CADM3: variants seen among roughly 807,000 people sequenced by gnomAD.
CADM3 encodes the protein cell adhesion molecule 3, also known as TSLC1-like 1.
In CADM3, 11 loss-of-function variants were observed where a neutral mutation model predicts 44.9. That is an observed-to-expected ratio of 0.25 (90% CI 0.15 to 0.41). The LOEUF is 0.41. Ranked by LOEUF, CADM3 falls within the 10% of genes least tolerant of loss-of-function variation. The pLI, the probability that CADM3 is intolerant of heterozygous loss-of-function variation, is 1.00. For synonymous variants in CADM3, 207 were observed against 205.2 expected (o/e 1.01, Z -0.08); for missense variants, 426 against 512.0 (o/e 0.83, Z 1.62).
At position 159,200,933 on chromosome 1, in the gene CADM3, C is replaced by T; in HGVS notation, c.*11C>T. 4 of 1,575,738 alleles carry T rather than the reference C, an allele frequency of 2.5e-6. No homozygotes were observed. Among genetic ancestry groups the T allele is most frequent in the Non-Finnish European group, 3.5e-6 (4 of 1,158,092 alleles). On this transcript the variant is annotated 3_prime_UTR_variant, in exon 9 of 9. Coordinates refer to ENST00000368125, the MANE Select transcript of CADM3 (RefSeq NM_001127173.3). Reference sequence around the variant, plus strand: ...GAATATTTCATCTAGAGGCGCCTGCCCACTTCCTGCGCCCCCCAGGGGCCC... The same window carrying T: ...GAATATTTCATCTAGAGGCGCCTGCTCACTTCCTGCGCCCCCCAGGGGCCC...
intron 5 of CADM3, 188 bp downstream of exon 5, chr1:159,194,228 T>A: frequency 1.7e-6 from 1 of 571,884 alleles, no homozygotes; most frequent in Non-Finnish European, 3.0e-6. Context: ...ATGAATATTT[T>A]AGGCTTTGAG....
chr1:159,196,257 T>G (rs1193353127), intron 5 of CADM3, 107 bp from the exon 6 acceptor site: 101 of 791,106 alleles, frequency 1.3e-4, no homozygotes, highest in Middle Eastern at 2.3e-4. Context: ...TTGCACTTCT[T>G]GAGCTGCGGA....
At chr1:159,199,391 G>A (rs928941348) in intron 7 of CADM3, among the ~76,000 whole-genome samples, 4 of 146,800 alleles carry the variant, frequency 2.7e-5, no homozygotes, top group Middle Eastern at 3.6e-3. Flanking sequence ...AAAAGAAGAG[G>A]CGGAGGGAGG....
chr1:159,187,351 C>T (rs1649456772), intron 1 of CADM3, among the ~76,000 whole-genome samples: 1 of 152,140 alleles, frequency 6.6e-6, no homozygotes, highest in South Asian at 2.1e-4. Flanking sequence ...GATAACTAAA[C>T]AAGTAAATCA....
intron 2 of CADM3, 126 bp from the exon 3 acceptor site, chr1:159,192,452 G>T: frequency 9.7e-7 from 1 of 1,035,204 alleles, no homozygotes; most frequent in South Asian, 1.4e-5. Flanking sequence ...TTAAACTCAG[G>T]AGCAGTTATT....
At chr1:159,200,318 C>A (rs1364870862) in intron 8 of CADM3, among the ~76,000 whole-genome samples, 3 of 152,166 alleles carry the variant, frequency 2.0e-5, no homozygotes, top group African/African-American at 4.8e-5. Flanking sequence ...TATATCCATG[C>A]CTTCTCTCTA....
intron 1 of CADM3, among the ~76,000 whole-genome samples, chr1:159,178,266 G>A (rs557258758): frequency 2.0e-5 from 3 of 152,290 alleles, no homozygotes; most frequent in African/African-American, 7.2e-5. Flanking sequence ...TACACTATAA[G>A]TGTGGAATGT....
chr1:159,180,201 G>C (rs1200820777), intron 1 of CADM3, among the ~76,000 whole-genome samples: 2 of 152,034 alleles, frequency 1.3e-5, no homozygotes, highest in Non-Finnish European at 2.9e-5. Flanking sequence ...GGAAGTAAGG[G>C]GTTCTGATTA....
At position 159,171,660 on chromosome 1, in the gene CADM3, C is replaced by G. The variant is rs974120426; in HGVS notation, c.-106C>G. The G allele has an allele frequency of 7.1e-6, 6 of 850,240 alleles. No homozygotes were observed. Among genetic ancestry groups the G allele is most frequent in the Non-Finnish European group, 9.4e-6 (6 of 640,132 alleles). 52.7% of individuals were successfully genotyped at this position (850,240 alleles called of 1,614,324 possible). On this transcript the variant is annotated 5_prime_UTR_variant, in exon 1 of 9. Coordinates refer to ENST00000368125, the MANE Select transcript of CADM3 (RefSeq NM_001127173.3). ...CTCGGCCCCGGGCTCCGAAGCGGCT[C>G]GGGGGCGCCCTTTCGGTCAACATCG...
At chr1:159,196,305 G>A in intron 5 of CADM3, 59 bp from the exon 6 acceptor site, 4 of 1,359,602 alleles carry the variant, frequency 2.9e-6, no homozygotes, top group Non-Finnish European at 3.2e-6. Context: ...GCAACTAAGT[G>A]AGGGAATCTC....
Position 159,194,046 on chromosome 1 carries a change from T to C in CADM3, c.691+6T>C. On this transcript the variant is annotated splice_donor_region_variant and intron_variant, in intron 5 of 8. Transcript: ENST00000368125. The stretch of plus-strand genomic sequence containing the variant: ...TCAACGCATTGAAGTTTTATGTATG[T>C]CATGGGCTTGGGGATGAAGAAGGAT... 6.2e-7 allele frequency: 1 copy of C among 1,610,808 alleles called. No individual in the cohort carries two copies. The highest frequency in any genetic ancestry group is 2.2e-5 in the East Asian group (1 of 44,818).
intron 8 of CADM3, 31 bp from the exon 9 acceptor site, chr1:159,200,773 C>T (rs757455284): frequency 8.5e-6 from 13 of 1,524,312 alleles, no homozygotes; most frequent in Non-Finnish European, 1.1e-5. Context: ...GGAAGCTGCT[C>T]CTGAGAGGAG....
intron 1 of CADM3, among the ~76,000 whole-genome samples, chr1:159,179,630 T>C (rs1649152882): frequency 6.6e-6 from 1 of 152,230 alleles, no homozygotes; most frequent in South Asian, 2.1e-4. Flanking sequence ...TCTTGTTTCA[T>C]ATTTTACTTT....
chr1:159,196,080 G>A (rs1327627667), intron 5 of CADM3: 3 of 372,446 alleles, frequency 8.1e-6, no homozygotes, highest in Non-Finnish European at 1.5e-5. Flanking sequence ...CTAGGCACAG[G>A]TAAACCACTC....
chr1:159,192,649 G>A lies in CADM3; in HGVS notation c.301G>A (p.Ala101Thr), dbSNP rs1459484598. 1 of 1,613,996 alleles carries A rather than the reference G, an allele frequency of 6.2e-7. No individual in the cohort carries two copies. The highest frequency in any genetic ancestry group is 1.3e-5 in the African/African-American group (1 of 74,892). The change falls in exon 3 of 9, where the codon GCC becomes ACC. Residue 101 changes from alanine to threonine, a missense_variant. Transcript: ENST00000368125. The stretch of plus-strand genomic sequence containing the variant: ...GCTCAGCATCAGCATCAGCAATGTG[G>A]CCCTGGCAGACGAGGGCGAGTACAC... ...HELSISISNV[A>T]LADEGEYTCS...
At position 159,191,989 on chromosome 1, in the gene CADM3, C is replaced by G; in HGVS notation, c.142C>G (p.Leu48Val). 1 of 1,614,140 alleles carries G rather than the reference C, an allele frequency of 6.2e-7. No individual in the cohort carries two copies. Residue 48 changes from leucine (L) to valine (V), a missense_variant, in exon 2 of 9, where the codon CTC becomes GTC. By Grantham distance (32) the Leu-to-Val change is conservative. Coordinates refer to ENST00000368125, the MANE Select transcript of CADM3 (RefSeq NM_001127173.3). ...ETVVAGGTVV[L>V]KCQVKDHEDS... ...AGTGGTGGCTGGTGGCACCGTGGTG[C>G]TCAAGTGCCAAGTGAAAGATCACGA...
intron 7 of CADM3, among the ~76,000 whole-genome samples, chr1:159,198,754 A>G (rs904863485): frequency 6.6e-6 from 1 of 151,668 alleles, no homozygotes; most frequent in Admixed American, 6.6e-5. Flanking sequence ...GATATTTGGG[A>G]CTCTGGCTGT....
chr1:159,175,398 C>T (rs888179778), intron 1 of CADM3, among the ~76,000 whole-genome samples: 16 of 152,194 alleles, frequency 1.1e-4, no homozygotes, highest in Non-Finnish European at 2.2e-4. Flanking sequence ...AGCAGTTATG[C>T]CATTCTATTC....
intron 1 of CADM3, among the ~76,000 whole-genome samples, chr1:159,184,699 TC>T (rs1458443986): frequency 6.6e-6 from 1 of 152,224 alleles, no homozygotes; most frequent in Non-Finnish European, 1.5e-5. Context: ...TGGCAGACTT[TC>T]ATAGACTTTC....
Sources: allele counts gnomAD v4.1 joint callset (sites outside exome capture counted in the v4.1 genomes callset), GRCh38; gene constraint gnomAD v4.1.1; transcripts MANE v1.5; gene names NCBI Gene and HGNC (gene_info 2026-07-23, HGNC 2026-07-21).